The following CNTN5 variants were observed in gnomAD, a reference collection of about 807,000 sequenced individuals.
CNTN5 encodes contactin 5.
A neutral mutation model predicts 129.1 loss-of-function variants in CNTN5; 77 were observed. The ratio of observed to expected loss-of-function variants is 0.60; its 90% confidence interval spans 0.50 to 0.72. The LOEUF is 0.72. Ranked by LOEUF, CNTN5 falls within the 30% of genes least tolerant of loss-of-function variation. CNTN5 has a pLI of 0.00. For synonymous variants in CNTN5, 509 were observed against 465.6 expected (o/e 1.09, Z -1.20); for missense variants, 1,478 against 1,328.8 (o/e 1.11, Z -1.75).
Position 99,542,183 on chromosome 11 carries a change from T to C in CNTN5, c.-70-13962T>C, listed in dbSNP as rs539485430. Reference sequence around the variant, plus strand: ...TCAAACATTTATAACTTCTTTGTAGTAAGAACATTCCAACTCCTCTCTTCT... The same window carrying C: ...TCAAACATTTATAACTTCTTTGTAGCAAGAACATTCCAACTCCTCTCTTCT... On this transcript the variant is annotated intron_variant, in intron 2 of 24. Transcript: ENST00000524871. 3.3e-5 allele frequency among the ~76,000 whole-genome samples: 5 copies of C among 152,244 alleles called. No individual in the cohort carries two copies. The South Asian group carries it at 1.0e-3, about 32-fold the overall frequency.
At chr11:99,105,481 T>C (rs1470649942) in intron 1 of CNTN5, among the ~76,000 whole-genome samples, 5 of 152,176 alleles carry the variant, frequency 3.3e-5, no homozygotes, top group Admixed American at 1.3e-4. Context: ...GAATCTTGAA[T>C]TCATAGCCAG....
At chr11:99,524,312 T>C (rs77956481) in intron 2 of CNTN5, among the ~76,000 whole-genome samples, 5 of 152,192 alleles carry the variant, frequency 3.3e-5, no homozygotes, top group African/African-American at 4.8e-5. Flanking sequence ...CATAAAATGA[T>C]CATTTTAATT....
At chr11:100,273,678 C>G (rs974162681) in intron 18 of CNTN5, among the ~76,000 whole-genome samples, 2 of 152,132 alleles carry the variant, frequency 1.3e-5, no homozygotes, top group African/African-American at 4.8e-5. Context: ...TCGCTCCAGG[C>G]CCAACCTCAA....
At chr11:100,207,090 C>T (rs1183749014) in intron 15 of CNTN5, among the ~76,000 whole-genome samples, 2 of 152,002 alleles carry the variant, frequency 1.3e-5, no homozygotes, top group East Asian at 3.9e-4. Flanking sequence ...TGAATAAGAC[C>T]AGGCCAGTGT....
intron 15 of CNTN5, among the ~76,000 whole-genome samples, chr11:100,210,412 C>T (rs1283692938): frequency 6.6e-6 from 1 of 150,694 alleles, no homozygotes; most frequent in Non-Finnish European, 1.5e-5. Context: ...ATTCTGTTTC[C>T]TATGAAACTT....
At chr11:99,203,097 T>G (rs888998481) in intron 1 of CNTN5, among the ~76,000 whole-genome samples, 35 of 152,128 alleles carry the variant, frequency 2.3e-4, no homozygotes, top group Non-Finnish European at 5.0e-4. Context: ...TGTTTAATCT[T>G]GTGCCAGAAA....
Position 99,408,380 on chromosome 11 carries a change from AAAAG to A in CNTN5, c.-71+82915_-71+82918del, listed in dbSNP as rs796878448. Among the ~76,000 whole-genome samples the A allele has an allele frequency of 2.7e-3, 359 of 134,032 alleles. 3 individuals carry two copies. Among genetic ancestry groups the A allele is most frequent in the African/African-American group, 8.9e-3 (308 of 34,624 alleles). The allele number at this position is 134,032 out of a possible 152,430, so 87.9% of individuals were successfully genotyped here. ...ACACCAGGCTACCAAAAAAAAAAAA[AAAAG>A]AAAGAAAGAAAGAAAGAAGAGAGAG... On this transcript the variant is annotated intron_variant, in intron 2 of 24. Coordinates refer to ENST00000524871, the MANE Select transcript of CNTN5 (RefSeq NM_014361.4).
At chr11:100,159,804 T>A (rs1383345321) in intron 13 of CNTN5, among the ~76,000 whole-genome samples, 3 of 151,878 alleles carry the variant, frequency 2.0e-5, no homozygotes, top group African/African-American at 7.2e-5. Flanking sequence ...CCTCTGAGGT[T>A]CAAAAGACCT....
intron 2 of CNTN5, among the ~76,000 whole-genome samples, chr11:99,425,595 C>T (rs1031171598): frequency 6.6e-5 from 10 of 152,222 alleles, no homozygotes; most frequent in Non-Finnish European, 1.3e-4. Context: ...TGCACACGCC[C>T]AGCCACAACT....
intron 1 of CNTN5, among the ~76,000 whole-genome samples, chr11:99,285,346 C>A (rs1391008122): frequency 6.6e-6 from 1 of 152,082 alleles, no homozygotes; most frequent in Non-Finnish European, 1.5e-5. Flanking sequence ...TAATGATACT[C>A]CTAGGGTTTT....
intron 2 of CNTN5, among the ~76,000 whole-genome samples, chr11:99,536,579 C>T (rs912995459): frequency 1.3e-5 from 2 of 151,996 alleles, no homozygotes; most frequent in South Asian, 4.1e-4. Flanking sequence ...AAAAGGACTT[C>T]ACAATTTGCA....
chr11:99,406,335 G>C (rs991828638), intron 2 of CNTN5, among the ~76,000 whole-genome samples: 1 of 152,040 alleles, frequency 6.6e-6, no homozygotes, highest in African/African-American at 2.4e-5. Context: ...ATAAGAGCCA[G>C]AAGAATTCTC....
chr11:99,042,764 A>C (rs910029064), intron 1 of CNTN5, among the ~76,000 whole-genome samples: 1 of 151,870 alleles, frequency 6.6e-6, no homozygotes, highest in Non-Finnish European at 1.5e-5. Context: ...GCACTCGATA[A>C]ATACTTATTG....
intron 3 of CNTN5, among the ~76,000 whole-genome samples, chr11:99,646,274 T>C (rs1037308825): frequency 6.6e-6 from 1 of 152,230 alleles, no homozygotes; most frequent in East Asian, 1.9e-4. Context: ...AAGTACCTTC[T>C]TTCTATCTGG....
intron 3 of CNTN5, among the ~76,000 whole-genome samples, chr11:99,776,586 C>T (rs1017817422): frequency 4.0e-5 from 6 of 150,938 alleles, no homozygotes; most frequent in African/African-American, 9.7e-5. Context: ...TAACTTTCTC[C>T]GTCTCTGTGG....
At chr11:100,311,954 A>G (rs562223441) in intron 21 of CNTN5, among the ~76,000 whole-genome samples, 19 of 152,232 alleles carry the variant, frequency 1.2e-4, no homozygotes, top group African/African-American at 4.3e-4. Flanking sequence ...GAAAACAGAA[A>G]GTTAACAAGG....
chr11:99,293,300 T>A (rs995805867), intron 1 of CNTN5, among the ~76,000 whole-genome samples: 1 of 152,156 alleles, frequency 6.6e-6, no homozygotes, highest in South Asian at 2.1e-4. Flanking sequence ...TGGTGAATGA[T>A]CTTTTTAACA....
At chr11:99,329,948 CACACACACAA>C (rs1388166672) in intron 2 of CNTN5, among the ~76,000 whole-genome samples, 1 of 144,012 alleles carries the variant, frequency 6.9e-6, no homozygotes, top group Non-Finnish European at 1.6e-5. Flanking sequence ...CACACACACA[CACACACACAA>C]TCCCTTATAT....
chr11:99,033,792 C>T (rs1863534891), intron 1 of CNTN5, among the ~76,000 whole-genome samples: 1 of 152,120 alleles, frequency 6.6e-6, no homozygotes, highest in Non-Finnish European at 1.5e-5. Context: ...CTGGCCAGAA[C>T]TTCCAACACT....
Sources: gnomAD v4.1 joint callset for allele counts (sites outside exome capture counted in the v4.1 genomes callset) on GRCh38, gnomAD v4.1.1 for gene constraint, MANE v1.5 for transcripts, NCBI Gene and HGNC (gene_info 2026-07-23, HGNC 2026-07-21) for gene names.